The following GRM8 variants were observed in gnomAD, a reference collection of about 807,000 sequenced individuals.
The protein encoded by GRM8 is metabotropic glutamate receptor 8.
In GRM8, 47 loss-of-function variants were observed where a neutral mutation model predicts 87.2. The ratio of observed to expected loss-of-function variants is 0.54; its 90% CI spans 0.43 to 0.69. GRM8 has a LOEUF of 0.69. Among genes scored for constraint, GRM8 ranks in the 30% least tolerant of loss-of-function variants. GRM8 has a pLI of 0.00. For synonymous variants in GRM8, 396 were observed against 404.5 expected (o/e 0.98, Z 0.25); for missense variants, 1,019 against 1,139.2 (o/e 0.89, Z 1.52).
At chr7:126,558,673 GA>G (rs931272458) in intron 8 of GRM8, among the ~76,000 whole-genome samples, 5 of 151,806 alleles carry the variant, frequency 3.3e-5, no homozygotes, top group Non-Finnish European at 7.4e-5. Flanking sequence ...ATAATGATGA[GA>G]AAAAAAAGTC....
intron 7 of GRM8, among the ~76,000 whole-genome samples, chr7:126,711,328 C>G (rs1811076174): frequency 1.3e-5 from 2 of 152,124 alleles, no homozygotes; most frequent in South Asian, 4.2e-4. Flanking sequence ...TTTGGGTGAC[C>G]AGGTATATTT....
At chr7:126,819,484 G>A (rs1266984494) in intron 6 of GRM8, among the ~76,000 whole-genome samples, 1 of 152,002 alleles carries the variant, frequency 6.6e-6, no homozygotes, top group Non-Finnish European at 1.5e-5. Context: ...GGAAGTAATC[G>A]TGTCTTAGTC....
At chr7:126,775,115 G>C (rs550587621) in intron 6 of GRM8, among the ~76,000 whole-genome samples, 2 of 152,088 alleles carry the variant, frequency 1.3e-5, no homozygotes, top group Non-Finnish European at 2.9e-5. Flanking sequence ...TGTAGATTAA[G>C]AAGTATTTTT....
intron 3 of GRM8, among the ~76,000 whole-genome samples, chr7:127,044,077 C>T (rs1427873097): frequency 1.3e-5 from 2 of 152,318 alleles, no homozygotes; most frequent in Non-Finnish European, 2.9e-5. Flanking sequence ...AAGGGGTTCC[C>T]CCAGCAGCAC....
At chr7:126,853,628 TG>T (rs66534671) in intron 6 of GRM8, among the ~76,000 whole-genome samples, 4,092 of 152,240 alleles carry the variant, frequency 0.027, 186 homozygotes, top group African/African-American at 0.093. Flanking sequence ...CATTGCACCT[TG>T]ATGAGCAACA....
chr7:126,812,185 AT>A (rs1392300358), intron 6 of GRM8, among the ~76,000 whole-genome samples: 1 of 152,068 alleles, frequency 6.6e-6, no homozygotes, highest in Non-Finnish European at 1.5e-5. Flanking sequence ...GTAAACAACC[AT>A]TTGCATAGCA....
chr7:126,827,205 T>G (rs1794897197), intron 6 of GRM8, among the ~76,000 whole-genome samples: 1 of 152,206 alleles, frequency 6.6e-6, no homozygotes, highest in South Asian at 2.1e-4. Context: ...GTGGGCTCTT[T>G]TTTGGTTCCA....
intron 8 of GRM8, among the ~76,000 whole-genome samples, chr7:126,567,057 A>G (rs1224053297): frequency 6.6e-6 from 1 of 152,162 alleles, no homozygotes; most frequent in Non-Finnish European, 1.5e-5. Context: ...TCATAGAATG[A>G]GAGTGGGATG....
intron 8 of GRM8, among the ~76,000 whole-genome samples, chr7:126,569,336 A>T (rs1794503251): frequency 6.6e-6 from 1 of 152,256 alleles, no homozygotes; most frequent in South Asian, 2.1e-4. Flanking sequence ...GTTTGCACAG[A>T]GGTACTTTCC....
chr7:126,767,334 C>A (rs960781437), intron 7 of GRM8, among the ~76,000 whole-genome samples: 4 of 152,070 alleles, frequency 2.6e-5, no homozygotes, highest in African/African-American at 7.2e-5. Flanking sequence ...CATTTCTTAA[C>A]TTTGATTGTG....
intron 3 of GRM8, among the ~76,000 whole-genome samples, chr7:127,082,515 T>A (rs1822976689): frequency 6.6e-6 from 1 of 152,148 alleles, no homozygotes; most frequent in African/African-American, 2.4e-5. Flanking sequence ...AGGAAATAAT[T>A]CGACCAGTCA....
At chr7:126,652,162 T>G (rs917583120) in intron 7 of GRM8, among the ~76,000 whole-genome samples, 2 of 152,272 alleles carry the variant, frequency 1.3e-5, no homozygotes, top group Non-Finnish European at 2.9e-5. Context: ...TCTTTTAACA[T>G]GTGACATCAG....
chr7:126,546,631 G>T (rs563577137), intron 8 of GRM8, among the ~76,000 whole-genome samples: 62 of 152,226 alleles, frequency 4.1e-4, no homozygotes, highest in South Asian at 8.3e-4. Flanking sequence ...GAAAGAAGCA[G>T]CAAAATAATT....
rs1027935900 is a variant in GRM8, at chr7:126,826,552, A to C, written c.1157-56487T>G. Among the ~76,000 whole-genome samples the C allele has an allele frequency of 1.3e-3, 205 of 152,002 alleles. 1 individual carries two copies. The highest frequency in any genetic ancestry group is 3.1e-3 in the African/African-American group (129 of 41,454). ...AGTGTCTGTTCATGTCCTTCGCCCA[A>C]TTTTTGATGGGGTTGTTTTTTTCTT... On this transcript the variant is annotated intron_variant, in intron 6 of 10. Coordinates refer to ENST00000339582, the MANE Select transcript of GRM8 (RefSeq NM_000845.3).
intron 2 of GRM8, among the ~76,000 whole-genome samples, chr7:127,222,158 C>G (rs1308542834): frequency 6.6e-6 from 1 of 152,208 alleles, no homozygotes; most frequent in African/African-American, 2.4e-5. Context: ...GTAATCCCAG[C>G]ACTTTGGGAG....
intron 8 of GRM8, among the ~76,000 whole-genome samples, chr7:126,535,640 C>T (rs910302009): frequency 3.9e-5 from 6 of 152,116 alleles, no homozygotes; most frequent in East Asian, 3.8e-4. Flanking sequence ...GGTTGCAGGT[C>T]GCTGCCATGG....
At chr7:127,038,989 C>T (rs772162960) in intron 3 of GRM8, among the ~76,000 whole-genome samples, 1 of 152,182 alleles carries the variant, frequency 6.6e-6, no homozygotes, top group Non-Finnish European at 1.5e-5. Context: ...AGAGAGCCCT[C>T]ACCCCACAGT....
At chr7:126,456,062 T>C (rs933523758) in intron 9 of GRM8, among the ~76,000 whole-genome samples, 1 of 151,534 alleles carries the variant, frequency 6.6e-6, no homozygotes, top group South Asian at 2.1e-4. Context: ...ATCATTAAAA[T>C]AAAATCTCAG....
chr7:127,118,520 G>A (rs62468880), intron 2 of GRM8, among the ~76,000 whole-genome samples: 3,206 of 152,276 alleles, frequency 0.021, 66 homozygotes, highest in Non-Finnish European at 0.028. Flanking sequence ...TAATGTGTGC[G>A]TATGTGTGTG....
Sources: gnomAD v4.1 joint callset for allele counts (sites outside exome capture counted in the v4.1 genomes callset) on GRCh38, gnomAD v4.1.1 for gene constraint, MANE v1.5 for transcripts, NCBI Gene and HGNC (gene_info 2026-07-23, HGNC 2026-07-21) for gene names.